The following PHACTR1 variants were observed in gnomAD, a reference collection of about 807,000 sequenced individuals.
The protein encoded by PHACTR1 is RPEL repeat containing 1.
A neutral mutation model predicts 69.2 loss-of-function variants in PHACTR1; 16 were observed. That is an observed-to-expected ratio of 0.23 (90% CI 0.16 to 0.35). The LOEUF is 0.35. PHACTR1 is among the 10% of genes least tolerant of loss of function. The probability of loss-of-function intolerance (pLI) is 1.00; values close to 1 mark genes in which losing one functional copy is unlikely to be tolerated. For synonymous variants in PHACTR1, 312 were observed against 284.5 expected (o/e 1.10, Z -0.97); for missense variants, 510 against 734.7 (o/e 0.69, Z 3.54).
At chr6:13,134,550 G>A (rs909892035) in intron 5 of PHACTR1, among the ~76,000 whole-genome samples, 1 of 152,042 alleles carries the variant, frequency 6.6e-6, no homozygotes, top group Non-Finnish European at 1.5e-5. Flanking sequence ...AGTGGATTAA[G>A]GGCGGTGCAA....
chr6:13,077,192 T>C (rs1357401390), intron 5 of PHACTR1, among the ~76,000 whole-genome samples: 1 of 114,202 alleles, frequency 8.8e-6, no homozygotes, highest in Admixed American at 8.0e-5. Flanking sequence ...AAAAAAAAAG[T>C]GATTGCATGC....
At chr6:13,250,504 T>C (rs1422691810) in intron 10 of PHACTR1, among the ~76,000 whole-genome samples, 1 of 152,202 alleles carries the variant, frequency 6.6e-6, no homozygotes, top group East Asian at 1.9e-4. Flanking sequence ...CAACCAGGTA[T>C]CATTGAAAGC....
intron 4 of PHACTR1, among the ~76,000 whole-genome samples, chr6:12,940,640 A>G (rs1196734474): frequency 6.6e-6 from 1 of 152,218 alleles, no homozygotes; most frequent in African/African-American, 2.4e-5. Context: ...TCTGTGTGTC[A>G]TGTCCTACAT....
chr6:12,811,665 C>T (rs1478551466), intron 4 of PHACTR1, among the ~76,000 whole-genome samples: 1 of 152,200 alleles, frequency 6.6e-6, no homozygotes, highest in East Asian at 1.9e-4. Flanking sequence ...AAATACATCC[C>T]ACACTGTGTT....
intron 5 of PHACTR1, among the ~76,000 whole-genome samples, chr6:13,125,930 CAA>C (rs71552734): frequency 2.2e-5 from 3 of 136,842 alleles, no homozygotes; most frequent in Non-Finnish European, 4.8e-5. Context: ...GACCCTGTCT[CAA>C]AAAAAAAAAA....
intron 4 of PHACTR1, among the ~76,000 whole-genome samples, chr6:12,929,168 C>A (rs988484641): frequency 3.9e-5 from 6 of 152,128 alleles, no homozygotes; most frequent in African/African-American, 1.2e-4. Flanking sequence ...AAGGAGGGAC[C>A]CCTTGCCTAA....
intron 4 of PHACTR1, among the ~76,000 whole-genome samples, chr6:12,780,249 C>CTGTGTGTGTGTGTGTG (rs71552713): frequency 1.4e-5 from 2 of 147,452 alleles, no homozygotes; most frequent in African/African-American, 5.1e-5. Context: ...TATCTTTTCT[C>CTGTGTGTGTGTGTGTG]TGTGTGTGTG....
Position 13,085,885 on chromosome 6 carries a change from G to C in PHACTR1, c.415+32356G>C, listed in dbSNP as rs140563650. On this transcript the variant is annotated intron_variant, in intron 5 of 14. Coordinates refer to ENST00000332995, the MANE Select transcript of PHACTR1 (RefSeq NM_030948.6). The stretch of plus-strand genomic sequence containing the variant: ...CACATGTGAGATATAGCATAAAGCA[G>C]TATGTAGAGGTAAATTTATCACCTT... Among the ~76,000 whole-genome samples, 1,215 of 151,928 alleles carry C rather than the reference G, an allele frequency of 8.0e-3. 14 individuals are homozygous for C. Among genetic ancestry groups the C allele is most frequent in the Middle Eastern group, 0.034 (10 of 294 alleles).
At chr6:12,828,995 G>A (rs905541413) in intron 4 of PHACTR1, among the ~76,000 whole-genome samples, 4 of 152,154 alleles carry the variant, frequency 2.6e-5, no homozygotes, top group African/African-American at 7.2e-5. Context: ...TTGAGGTGAT[G>A]GGTATCCTAG....
intron 4 of PHACTR1, among the ~76,000 whole-genome samples, chr6:12,908,236 G>A (rs1269342545): frequency 2.6e-5 from 4 of 152,102 alleles, no homozygotes; most frequent in Admixed American, 6.5e-5. Context: ...CTTCAAGATC[G>A]TTATCGAGTT....
chr6:13,029,316 G>A (rs562082152), intron 4 of PHACTR1, among the ~76,000 whole-genome samples: 2 of 152,332 alleles, frequency 1.3e-5, no homozygotes, highest in East Asian at 3.9e-4. Flanking sequence ...TAACGGCAGA[G>A]TCTTCAGCAG....
In PHACTR1 at chr6:12,959,685, A is replaced by C. The variant is rs562700240; in HGVS notation, c.251-93680A>C. Reference sequence around the variant, plus strand: ...TCTACACTTCAATAATATCATGAGGACTGAGATTCATGAGGATGACCTCCA... The same window carrying C: ...TCTACACTTCAATAATATCATGAGGCCTGAGATTCATGAGGATGACCTCCA... On this transcript the variant is annotated intron_variant, in intron 4 of 14. Coordinates refer to ENST00000332995, the MANE Select transcript of PHACTR1 (RefSeq NM_030948.6). Among the ~76,000 whole-genome samples the C allele has an allele frequency of 6.2e-4, 95 of 152,304 alleles. 1 individual carries two copies. Among genetic ancestry groups the C allele is most frequent in the African/African-American group, 2.2e-3 (90 of 41,568 alleles).
chr6:12,965,791 C>A (rs1793408927), intron 4 of PHACTR1, among the ~76,000 whole-genome samples: 1 of 152,160 alleles, frequency 6.6e-6, no homozygotes, highest in South Asian at 2.1e-4. Flanking sequence ...GTATTCACTA[C>A]TTCAGTGTTC....
intron 3 of PHACTR1, among the ~76,000 whole-genome samples, chr6:12,731,406 A>T (rs1038427118): frequency 2.6e-5 from 4 of 152,220 alleles, no homozygotes; most frequent in African/African-American, 7.2e-5. Flanking sequence ...GGTGACAGGC[A>T]GAGAAGAAAC....
At chr6:13,023,298 T>G (rs1801243725) in intron 4 of PHACTR1, among the ~76,000 whole-genome samples, 2 of 152,162 alleles carry the variant, frequency 1.3e-5, no homozygotes, top group South Asian at 4.1e-4. Flanking sequence ...ACCCTGACCT[T>G]TATGTGGGCT....
chr6:12,974,647 C>A (rs143565945), intron 4 of PHACTR1, among the ~76,000 whole-genome samples: 4 of 152,156 alleles, frequency 2.6e-5, no homozygotes, highest in Non-Finnish European at 5.9e-5. Context: ...AACTCAATTG[C>A]GGTGCCTTTC....
At position 12,768,348 on chromosome 6, in the gene PHACTR1, T is replaced by C. The variant is rs6926248; in HGVS notation, c.250+18558T>C. Among the ~76,000 whole-genome samples, 838 of 152,232 alleles carry C rather than the reference T, an allele frequency of 5.5e-3. 10 individuals carry two copies. The highest frequency in any genetic ancestry group is 0.019 in the African/African-American group (779 of 41,554). On this transcript the variant is annotated intron_variant, in intron 4 of 14. Transcript: ENST00000332995. ...ACAGGATGCTCTCAATCTCCTGACC[T>C]CGTGATCCGCCCTCCTCGGCCTCCC...
chr6:12,984,929 C>A (rs887889357), intron 4 of PHACTR1, among the ~76,000 whole-genome samples: 2 of 152,276 alleles, frequency 1.3e-5, no homozygotes, highest in East Asian at 3.9e-4. Flanking sequence ...TGAGCAAGAC[C>A]AAATGACTAA....
rs750727566 is a variant in PHACTR1, at chr6:13,230,048, A to G, written c.1246A>G (p.Met416Val). Residue 416 changes from methionine to valine, a missense_variant, in exon 10 of 15, where the codon ATG (methionine) becomes GTG (valine). This residue lies in a region of PHACTR1 where 419 missense variants were observed against 530.9 expected (regional missense o/e 0.79). Transcript: ENST00000332995. The stretch of plus-strand genomic sequence containing the variant: ...TCTGTCTCCTACAGGCTCCCTGGCC[A>G]TGAAGGTCTGCAGGAAGGACTCCTT... ...DSSLYTSSLAMKVCRKDSLAI... is the reference protein window; with the variant it reads ...DSSLYTSSLAVKVCRKDSLAI... 1.2e-6 allele frequency: 2 copies of G among 1,609,708 alleles called. No homozygotes were observed. The highest frequency in any genetic ancestry group is 1.3e-5 in the African/African-American group (1 of 74,822).
Sources: allele counts gnomAD v4.1 joint callset (sites outside exome capture counted in the v4.1 genomes callset), GRCh38; gene constraint gnomAD v4.1.1; regional missense constraint gnomAD v4.1.1; transcripts MANE v1.5; gene names NCBI Gene and HGNC (gene_info 2026-07-23, HGNC 2026-07-21).